The following ATRNL1 variants were observed in gnomAD, a reference collection of about 807,000 sequenced individuals.
ATRNL1 encodes attractin-like protein 1.
Under a neutral mutation model 182.7 loss-of-function variants are expected in ATRNL1, and 95 were observed. The observed-to-expected ratio is 0.52, with a 90% CI of 0.44 to 0.62. ATRNL1 has a LOEUF of 0.62. Ranked by LOEUF, ATRNL1 falls within the 20% of genes least tolerant of loss-of-function variation. The probability of loss-of-function intolerance (pLI) is 0.00; values close to 1 mark genes in which losing one functional copy is unlikely to be tolerated. For missense variants in ATRNL1, 1,471 were observed against 1,679.5 expected (o/e 0.88, Z 2.17); for synonymous variants, 576 against 568.3 (o/e 1.01, Z -0.19).
intron 10 of ATRNL1, among the ~76,000 whole-genome samples, chr10:115,256,091 A>C (rs1190093371): frequency 6.6e-6 from 1 of 152,142 alleles, no homozygotes; most frequent in African/African-American, 2.4e-5. Flanking sequence ...TATTGGTCTA[A>C]AATTCTCTTT....
chr10:115,930,340 A>C (rs1275489070), intron 28 of ATRNL1, among the ~76,000 whole-genome samples: 1 of 152,032 alleles, frequency 6.6e-6, no homozygotes, highest in Admixed American at 6.6e-5. Flanking sequence ...TGTAGTGTAA[A>C]CCTCTTCAGG....
chr10:115,475,806 T>C (rs1848502198), intron 24 of ATRNL1, among the ~76,000 whole-genome samples: 1 of 151,366 alleles, frequency 6.6e-6, no homozygotes, highest in African/African-American at 2.4e-5. Flanking sequence ...TTTAATCTTC[T>C]TATCATTTAC....
chr10:115,569,528 T>G (rs1480585558), intron 26 of ATRNL1, among the ~76,000 whole-genome samples: 1 of 152,158 alleles, frequency 6.6e-6, no homozygotes, highest in Non-Finnish European at 1.5e-5. Flanking sequence ...AAGTGGGAAA[T>G]GATGTTTTAA....
At chr10:115,859,711 G>A (rs1188584529) in intron 28 of ATRNL1, among the ~76,000 whole-genome samples, 1 of 152,076 alleles carries the variant, frequency 6.6e-6, no homozygotes, top group African/African-American at 2.4e-5. Context: ...GTTTAATCTC[G>A]GGTCCTCCCA....
At chr10:115,737,280 CA>C (rs200186852) in intron 27 of ATRNL1, among the ~76,000 whole-genome samples, 22 of 147,884 alleles carry the variant, frequency 1.5e-4, no homozygotes, top group African/African-American at 4.8e-4. Context: ...CCCCCCCCCC[CA>C]AAAAAAAAGG....
chr10:115,637,023 AG>A (rs1264926467), intron 26 of ATRNL1, among the ~76,000 whole-genome samples: 2 of 152,230 alleles, frequency 1.3e-5, no homozygotes, highest in Non-Finnish European at 2.9e-5. Context: ...CATAGTAAAC[AG>A]GTCAGAAGAA....
chr10:115,704,301 C>T (rs1555052479), intron 26 of ATRNL1, among the ~76,000 whole-genome samples: 1 of 151,794 alleles, frequency 6.6e-6, no homozygotes, highest in Admixed American at 6.6e-5. Flanking sequence ...GGCATTCTCC[C>T]TATGTCTCTG....
In ATRNL1 at chr10:115,467,227, C is replaced by T. The variant is rs782098459; in HGVS notation, c.3471C>T (p.Asn1157=). ...ATGCATCAAACAACTTTAATCTCAA[C>T]ATTACGTGGTCTGTCGGTTCAACAG... ...SINASNNFNL[N]ITWSVGSTAG... is the part of the protein sequence containing the mutation. The change falls in exon 23 of 29, where the codon AAC becomes AAT. Residue 1157 remains asparagine (N), a synonymous_variant. Transcript: ENST00000355044. 6 of 1,604,010 alleles carry T rather than the reference C, an allele frequency of 3.7e-6. 1 individual carries two copies. The South Asian group carries it at 6.6e-5, about 18-fold the overall frequency.
chr10:115,790,427 C>G (rs1267785013), intron 27 of ATRNL1, among the ~76,000 whole-genome samples: 2 of 152,068 alleles, frequency 1.3e-5, no homozygotes, highest in African/African-American at 4.8e-5. Flanking sequence ...CTAAATCTTT[C>G]CTCCAAATCC....
intron 26 of ATRNL1, among the ~76,000 whole-genome samples, chr10:115,699,192 A>C (rs1219729514): frequency 2.6e-5 from 4 of 152,164 alleles, no homozygotes; most frequent in African/African-American, 9.6e-5. Flanking sequence ...AATTCTACTG[A>C]ATCTAAGAAG....
At chr10:115,405,323 A>C (rs1241739649) in intron 20 of ATRNL1, among the ~76,000 whole-genome samples, 1 of 152,180 alleles carries the variant, frequency 6.6e-6, no homozygotes, top group African/African-American at 2.4e-5. Context: ...TGTCAAATGC[A>C]TGTGTGTTAT....
At chr10:115,792,118 T>A (rs1414460986) in intron 27 of ATRNL1, among the ~76,000 whole-genome samples, 1 of 152,150 alleles carries the variant, frequency 6.6e-6, no homozygotes, top group Non-Finnish European at 1.5e-5. Context: ...GATAATGTGC[T>A]CAATCATTTC....
intron 27 of ATRNL1, among the ~76,000 whole-genome samples, chr10:115,745,066 AC>A (rs1461978740): frequency 6.6e-6 from 1 of 151,732 alleles, no homozygotes; most frequent in African/African-American, 2.4e-5. Flanking sequence ...CTGCCCCAAG[AC>A]CCTTAGAACC....
chr10:115,212,382 CTTA>C (rs1392459210), intron 8 of ATRNL1, among the ~76,000 whole-genome samples: 1 of 151,260 alleles, frequency 6.6e-6, no homozygotes, highest in East Asian at 1.9e-4. Context: ...AAAAGGAATG[CTTA>C]TACACTGTTG....
chr10:115,664,649 T>C (rs1860896054), intron 26 of ATRNL1, among the ~76,000 whole-genome samples: 1 of 152,110 alleles, frequency 6.6e-6, no homozygotes, highest in Non-Finnish European at 1.5e-5. Context: ...ATAATCACTT[T>C]CCAGTACATG....
intron 9 of ATRNL1, among the ~76,000 whole-genome samples, chr10:115,221,732 G>T (rs1849474078): frequency 1.3e-5 from 2 of 152,032 alleles, no homozygotes; most frequent in Non-Finnish European, 2.9e-5. Context: ...GAGGAGCCTT[G>T]GTACATACTT....
chr10:115,415,190 T>A (rs1045037686), intron 20 of ATRNL1, among the ~76,000 whole-genome samples: 8 of 152,062 alleles, frequency 5.3e-5, no homozygotes, highest in Admixed American at 5.2e-4. Flanking sequence ...ATCTACAGAC[T>A]CATAAGCAGG....
intron 27 of ATRNL1, among the ~76,000 whole-genome samples, chr10:115,798,108 G>A (rs1476170296): frequency 6.6e-6 from 1 of 151,906 alleles, no homozygotes; most frequent in Non-Finnish European, 1.5e-5. Context: ...TCGTAGAGAC[G>A]GGGTTTCACC....
intron 27 of ATRNL1, among the ~76,000 whole-genome samples, chr10:115,789,006 C>T (rs1949463304): frequency 6.6e-6 from 1 of 152,206 alleles, no homozygotes; most frequent in Admixed American, 6.5e-5. Flanking sequence ...TGTTATCACA[C>T]ACGTTATAAA....
Sources: allele counts gnomAD v4.1 joint callset (sites outside exome capture counted in the v4.1 genomes callset), GRCh38; gene constraint gnomAD v4.1.1; transcripts MANE v1.5; gene names NCBI Gene and HGNC (gene_info 2026-07-23, HGNC 2026-07-21).